Variants in ZNF169 observed in about 807,000 individuals in gnomAD.
ZNF169 encodes the protein zinc finger protein 169.
ZNF169 carries 11 observed loss-of-function variants against 12.0 expected under a neutral mutation model. That is an observed-to-expected ratio of 0.92 (90% CI 0.58 to 1.52). ZNF169 has a LOEUF of 1.52. Among genes scored for constraint, ZNF169 ranks in the 40% most tolerant of loss-of-function variants. ZNF169 has a pLI of 0.00. For missense variants in ZNF169, 722 were observed against 744.0 expected, an observed-to-expected ratio of 0.97 and a Z score of 0.34; for synonymous variants, 302 against 286.5, an observed-to-expected ratio of 1.05 and a Z score of -0.55.
At chr9:94,278,516 C>T (rs1830563814) in intron 1 of ZNF169, among the ~76,000 whole-genome samples, 1 of 152,192 alleles carries the variant, frequency 6.6e-6, no homozygotes, top group Non-Finnish European at 1.5e-5. Context: ...CAAAGTCTCA[C>T]CCAGCTGCTG....
At chr9:94,279,328 T>G (rs960050699) in intron 2 of ZNF169, among the ~76,000 whole-genome samples, 1 of 151,732 alleles carries the variant, frequency 6.6e-6, no homozygotes, top group Admixed American at 6.6e-5. Context: ...GAGGCTGAGG[T>G]TGCAGTGAGC....
At chr9:94,262,072 C>G (rs952171705) in intron 1 of ZNF169, among the ~76,000 whole-genome samples, 5 of 152,190 alleles carry the variant, frequency 3.3e-5, no homozygotes, top group African/African-American at 1.2e-4. Flanking sequence ...AGAATTACTT[C>G]CATTGTCCTT....
chr9:94,289,635 C>T (rs1446999877), intron 2 of ZNF169, among the ~76,000 whole-genome samples: 1 of 151,994 alleles, frequency 6.6e-6, no homozygotes, highest in African/African-American at 2.4e-5. Flanking sequence ...ACTAAAAATA[C>T]AAAAATTAGC....
chr9:94,271,518 C>T (rs1830421534), intron 1 of ZNF169, among the ~76,000 whole-genome samples: 1 of 151,948 alleles, frequency 6.6e-6, no homozygotes, highest in East Asian at 1.9e-4. Flanking sequence ...TCAAAAGATC[C>T]AGACCACCCT....
rs377137736 is a variant in ZNF169 at position 94,300,867 on chromosome 9, C to T, written c.1309C>T (p.Arg437Trp). The T allele has an allele frequency of 1.4e-5, 22 of 1,613,150 alleles. No homozygotes were observed. The highest frequency in any genetic ancestry group is 1.8e-5 in the Non-Finnish European group (21 of 1,179,752). The change falls in exon 5 of 5, where the codon CGG (arginine) becomes TGG (tryptophan). Residue 437 changes from arginine (R) to tryptophan (W), a missense_variant. Arg to Trp is a moderately radical substitution (Grantham distance 101, BLOSUM62 -3). Coordinates refer to ENST00000395395, the MANE Select transcript of ZNF169 (RefSeq NM_194320.4). The part of the protein sequence containing the change: ...EKPYLCPQCG[R>W]GFSQKVTLIG... ...GCCTTACCTGTGCCCCCAGTGTGGG[C>T]GGGGTTTTAGCCAGAAGGTCACCCT... is the stretch of plus-strand genomic sequence containing the variant.
Position 94,292,607 on chromosome 9 carries a change from T to TTGTGTGTGTGTGTGTG in ZNF169, c.160+159_160+174dup, listed in dbSNP as rs138361295. 2,646 of 678,280 alleles carry TTGTGTGTGTGTGTGTG rather than the reference T, an allele frequency of 3.9e-3. 22 individuals are homozygous for TTGTGTGTGTGTGTGTG. In the East Asian group the frequency reaches 0.065, roughly 17 times the overall value. The allele number at this position is 678,280 out of a possible 1,614,324, so 42.0% of individuals were successfully genotyped here. On this transcript the variant is annotated intron_variant, in intron 3 of 4. Coordinates refer to ENST00000395395, the MANE Select transcript of ZNF169 (RefSeq NM_194320.4). ...AGAATGCCTGGCTTTCACAGTGCAG[T>TTGTGTGTGTGTGTGTG]TGTGTGTGTGTGTGTGTGTGTGTGT... is the stretch of plus-strand genomic sequence containing the variant.
intron 2 of ZNF169, chr9:94,287,913 C>T: frequency 1.1e-6 from 1 of 949,948 alleles, no homozygotes. Flanking sequence ...GTTACTGTTT[C>T]CTGCTGTCCA....
chr9:94,298,692 G>A (rs1830997556), intron 4 of ZNF169, among the ~76,000 whole-genome samples: 1 of 143,476 alleles, frequency 7.0e-6, no homozygotes, highest in Non-Finnish European at 1.5e-5. Context: ...TCACGCCACT[G>A]CACTCCAGCC....
In ZNF169 at chr9:94,265,531, G is replaced by C. The variant is rs550035669; in HGVS notation, c.-56+6186G>C. Reference sequence around the variant, plus strand: ...GGAGGTAGAGGTTGCAGTGAGCCAAGATCGCCCCATTGCACTCCATCCTGG... The same window carrying C: ...GGAGGTAGAGGTTGCAGTGAGCCAACATCGCCCCATTGCACTCCATCCTGG... On this transcript the variant is annotated intron_variant, in intron 1 of 4. Coordinates refer to ENST00000395395, the MANE Select transcript of ZNF169 (RefSeq NM_194320.4). Among the ~76,000 whole-genome samples, 5 of 150,912 alleles carry C rather than the reference G, an allele frequency of 3.3e-5. No individual in the cohort carries two copies. In the South Asian group the frequency reaches 1.1e-3, roughly 32 times the overall value.
chr9:94,265,021 G>GTTTTTTTTTTTTTTTTTTTTTTT (rs55756013), intron 1 of ZNF169, among the ~76,000 whole-genome samples: 1 of 90,682 alleles, frequency 1.1e-5, no homozygotes, highest in Non-Finnish European at 2.0e-5. Context: ...TCTGTACCCT[G>GTTTTTTTTTTTTTTTTTTTTTTT]TTTTTTTTTT....
chr9:94,282,837 A>G (rs539625069), intron 2 of ZNF169, among the ~76,000 whole-genome samples: 1 of 152,272 alleles, frequency 6.6e-6, no homozygotes, highest in East Asian at 1.9e-4. Flanking sequence ...ATTAAAACTT[A>G]AAAAAAATTT....
intron 1 of ZNF169, among the ~76,000 whole-genome samples, chr9:94,270,737 T>TATATTTATATAATATATATTATA (rs1262184587): frequency 6.2e-5 from 2 of 32,064 alleles, no homozygotes; most frequent in South Asian, 1.2e-3. Flanking sequence ...TATTATATAA[T>TATATTTATATAATATATATTATA]TAATGTATTT....
At chr9:94,277,592 A>G (rs1830546599) in intron 1 of ZNF169, among the ~76,000 whole-genome samples, 1 of 152,164 alleles carries the variant, frequency 6.6e-6, no homozygotes, top group Non-Finnish European at 1.5e-5. Context: ...TATGGTTTGT[A>G]GGGCACGACT....
chr9:94,292,811 C>A (rs552941182), intron 3 of ZNF169, among the ~76,000 whole-genome samples, 163 bp from the exon 4 acceptor site: 3 of 152,192 alleles, frequency 2.0e-5, no homozygotes, highest in Admixed American at 6.5e-5. Flanking sequence ...AGGATCCCCT[C>A]CCTGTATGCA....
At chr9:94,297,264 T>C (rs1469909709) in intron 4 of ZNF169, among the ~76,000 whole-genome samples, 1 of 152,220 alleles carries the variant, frequency 6.6e-6, no homozygotes, top group African/African-American at 2.4e-5. Context: ...GTGAACACAG[T>C]ATAGCTCTCC....
chr9:94,288,997 GGTCTGAT>G (rs1830775172), intron 2 of ZNF169, among the ~76,000 whole-genome samples: 1 of 152,122 alleles, frequency 6.6e-6, no homozygotes, highest in African/African-American at 2.4e-5. Flanking sequence ...ATTATCGTAT[GGTCTGAT>G]GTGGATTTGA....
At chr9:94,282,931 A>G (rs1435462328) in intron 2 of ZNF169, among the ~76,000 whole-genome samples, 1 of 152,138 alleles carries the variant, frequency 6.6e-6, no homozygotes, top group Non-Finnish European at 1.5e-5. Context: ...AGTGACCTTC[A>G]CCATCATGTT....
intron 1 of ZNF169, among the ~76,000 whole-genome samples, chr9:94,264,055 T>C (rs931005942): frequency 3.3e-5 from 5 of 152,230 alleles, no homozygotes; most frequent in Non-Finnish European, 5.9e-5. Flanking sequence ...TCCGTCATTC[T>C]TCAGGCTGTA....
intron 3 of ZNF169, 88 bp from the exon 4 acceptor site, chr9:94,292,886 A>G: frequency 8.7e-7 from 1 of 1,152,376 alleles, no homozygotes. Flanking sequence ...TTCTGGGTTT[A>G]TTGCATTCCT....
Sources: allele counts gnomAD v4.1 joint callset (sites outside exome capture counted in the v4.1 genomes callset), GRCh38; gene constraint gnomAD v4.1.1; transcripts MANE v1.5; gene names NCBI Gene and HGNC (gene_info 2026-07-23, HGNC 2026-07-21).